Variants in ADGRL3 observed in about 807,000 individuals in gnomAD.
ADGRL3 encodes the protein calcium-independent alpha-latrotoxin receptor 3.
ADGRL3 carries 62 observed loss-of-function variants against 153.5 expected under a neutral mutation model. The ratio of observed to expected loss-of-function variants is 0.40; its 90% CI spans 0.33 to 0.50. The LOEUF (loss-of-function observed/expected upper bound fraction) is 0.50, where lower values mean the gene tolerates loss of function less well. Ranked by LOEUF, ADGRL3 falls within the 20% of genes least tolerant of loss-of-function variation. ADGRL3 has a pLI of 0.47. For synonymous variants in ADGRL3, 710 were observed against 672.5 expected (o/e 1.06, Z -0.86); for missense variants, 1,641 against 1,859.4 (o/e 0.88, Z 2.16).
At chr4:61,321,983 C>A (rs1214475683) in intron 1 of ADGRL3, among the ~76,000 whole-genome samples, 1 of 152,156 alleles carries the variant, frequency 6.6e-6, no homozygotes, top group Non-Finnish European at 1.5e-5. Flanking sequence ...AGTCCATTTT[C>A]ACACTGCTGA....
intron 19 of ADGRL3, among the ~76,000 whole-genome samples, chr4:61,994,690 A>G (rs1280849016): frequency 6.6e-6 from 1 of 152,014 alleles, no homozygotes; most frequent in Non-Finnish European, 1.5e-5. Flanking sequence ...CATTTTGTTC[A>G]CTTCTAGTGC....
chr4:61,717,898 G>T (rs2151586700), intron 6 of ADGRL3, among the ~76,000 whole-genome samples: 1 of 152,202 alleles, frequency 6.6e-6, no homozygotes, highest in Middle Eastern at 3.4e-3. Flanking sequence ...GCCAGGCATG[G>T]TGGTACATGC....
chr4:61,394,498 T>G (rs962374378), intron 2 of ADGRL3, among the ~76,000 whole-genome samples: 2 of 151,990 alleles, frequency 1.3e-5, no homozygotes, highest in Admixed American at 1.3e-4. Flanking sequence ...ACCATTGAAA[T>G]ATATACATTT....
chr4:61,698,601 AT>A (rs918851405), intron 6 of ADGRL3, among the ~76,000 whole-genome samples: 85 of 152,220 alleles, frequency 5.6e-4, no homozygotes, highest in African/African-American at 2.0e-3. Context: ...ATTCTCAAGT[AT>A]TTTTTTTAAT....
chr4:61,326,493 G>T (rs2095468103), intron 1 of ADGRL3, among the ~76,000 whole-genome samples: 1 of 149,836 alleles, frequency 6.7e-6, no homozygotes, highest in Non-Finnish European at 1.5e-5. Flanking sequence ...GTCGTTTAGT[G>T]TGAAAAAATC....
At chr4:61,256,232 C>T (rs940059807) in intron 1 of ADGRL3, among the ~76,000 whole-genome samples, 1 of 152,116 alleles carries the variant, frequency 6.6e-6, no homozygotes, top group African/African-American at 2.4e-5. Flanking sequence ...GACAACATAA[C>T]AATTGGTTGT....
chr4:61,409,252 T>C (rs2097049937), intron 2 of ADGRL3, among the ~76,000 whole-genome samples: 1 of 143,954 alleles, frequency 6.9e-6, no homozygotes, highest in South Asian at 2.1e-4. Context: ...ATACATAATA[T>C]ATATTATATA....
intron 9 of ADGRL3, among the ~76,000 whole-genome samples, chr4:61,874,825 G>A (rs1371549313): frequency 1.1e-5 from 1 of 94,492 alleles, no homozygotes; most frequent in African/African-American, 4.1e-5. Flanking sequence ...TTTTTGAGAC[G>A]GAGTCTCGCT....
intron 5 of ADGRL3, among the ~76,000 whole-genome samples, chr4:61,605,595 A>T (rs1357469469): frequency 1.3e-5 from 2 of 152,234 alleles, no homozygotes; most frequent in Non-Finnish European, 2.9e-5. Context: ...TAGTCTAGGG[A>T]TACAAGTAAA....
chr4:62,045,355 C>T (rs1024320304), intron 25 of ADGRL3, among the ~76,000 whole-genome samples: 3 of 152,000 alleles, frequency 2.0e-5, no homozygotes, highest in East Asian at 1.9e-4. Flanking sequence ...CTACTACAGT[C>T]AGCAATGGGA....
intron 5 of ADGRL3, among the ~76,000 whole-genome samples, chr4:61,593,430 C>CT (rs2098977397): frequency 6.6e-6 from 1 of 151,768 alleles, no homozygotes; most frequent in Non-Finnish European, 1.5e-5. Context: ...TCATTAACAT[C>CT]TTTTTTATTT....
At chr4:61,496,335 G>T (rs1283189826) in intron 2 of ADGRL3, among the ~76,000 whole-genome samples, 2 of 152,108 alleles carry the variant, frequency 1.3e-5, no homozygotes, top group Non-Finnish European at 2.9e-5. Flanking sequence ...ACCCCATGGG[G>T]CTTACTTTGT....
chr4:61,629,971 C>A (rs185485107), intron 5 of ADGRL3, among the ~76,000 whole-genome samples: 4 of 152,074 alleles, frequency 2.6e-5, no homozygotes, highest in African/African-American at 9.6e-5. Context: ...AATCTTTGGG[C>A]AAATGCCTCC....
At chr4:61,410,408 T>C (rs1254514157) in intron 2 of ADGRL3, among the ~76,000 whole-genome samples, 1 of 152,198 alleles carries the variant, frequency 6.6e-6, no homozygotes, top group Admixed American at 6.5e-5. Flanking sequence ...TTGCCCTCTC[T>C]TTAAATACTT....
chr4:61,207,273 CAACTT>C (rs1489109233), intron 1 of ADGRL3, among the ~76,000 whole-genome samples: 1 of 152,018 alleles, frequency 6.6e-6, no homozygotes, highest in African/African-American at 2.4e-5. Context: ...TGTTCAACTC[CAACTT>C]ATGAGTGAGA....
At chr4:61,220,261 C>T (rs908783440) in intron 1 of ADGRL3, among the ~76,000 whole-genome samples, 5 of 151,992 alleles carry the variant, frequency 3.3e-5, no homozygotes, top group South Asian at 2.1e-4. Context: ...TTAGATGAAA[C>T]GTCATACGTG....
chr4:61,691,951 G>A (rs2095546951), intron 6 of ADGRL3, among the ~76,000 whole-genome samples: 1 of 152,078 alleles, frequency 6.6e-6, no homozygotes, highest in African/African-American at 2.4e-5. Context: ...TTTCTGATTG[G>A]AGTGGAAGCT....
intron 17 of ADGRL3, among the ~76,000 whole-genome samples, chr4:61,950,772 G>A (rs761147352): frequency 3.3e-5 from 5 of 152,174 alleles, no homozygotes; most frequent in Non-Finnish European, 7.3e-5. Context: ...GTGAGTGACA[G>A]GCGATGCGTC....
chr4:61,254,100 A>T (rs1027680712), intron 1 of ADGRL3, among the ~76,000 whole-genome samples: 2 of 152,174 alleles, frequency 1.3e-5, no homozygotes, highest in Admixed American at 6.5e-5. Flanking sequence ...GGCTTTTTTC[A>T]TATTAACCAC....
Sources: gnomAD v4.1 joint callset for allele counts (sites outside exome capture counted in the v4.1 genomes callset) on GRCh38, gnomAD v4.1.1 for gene constraint, MANE v1.5 for transcripts, NCBI Gene and HGNC (gene_info 2026-07-23, HGNC 2026-07-21) for gene names.